Variants in ACOXL observed in about 807,000 individuals in gnomAD.
ACOXL encodes the protein acyl-coenzyme A oxidase-like protein.
ACOXL carries 70 observed loss-of-function variants against 71.9 expected under a neutral mutation model. That is an observed-to-expected ratio of 0.97 (90% CI 0.80 to 1.19). The LOEUF (loss-of-function observed/expected upper bound fraction) is 1.19. ACOXL is among the 50% of genes most tolerant of loss of function. The pLI is 0.00. For missense variants in ACOXL, 703 were observed against 736.3 expected (o/e 0.95, Z 0.52); for synonymous variants, 253 against 281.6 (o/e 0.90, Z 1.02).
chr2:110,826,955 G>A (rs2105580735), intron 9 of ACOXL, among the ~76,000 whole-genome samples: 1 of 152,184 alleles, frequency 6.6e-6, no homozygotes, highest in African/African-American at 2.4e-5. Flanking sequence ...GCTCTCCATG[G>A]TGAGATGTGG....
intron 10 of ACOXL, among the ~76,000 whole-genome samples, chr2:110,842,051 G>A (rs1156680487): frequency 1.3e-5 from 2 of 152,156 alleles, no homozygotes; most frequent in Admixed American, 6.5e-5. Flanking sequence ...CTCCCAAAGT[G>A]CCACCCTGTG....
intron 3 of ACOXL, among the ~76,000 whole-genome samples, chr2:110,787,269 T>G (rs1684079472): frequency 6.6e-6 from 1 of 152,162 alleles, no homozygotes; most frequent in Admixed American, 6.5e-5. Flanking sequence ...GTGCGGTGAC[T>G]CACGCTTGTA....
chr2:111,008,364 C>T (rs1425376593), intron 14 of ACOXL, among the ~76,000 whole-genome samples: 2 of 152,192 alleles, frequency 1.3e-5, no homozygotes, highest in Non-Finnish European at 2.9e-5. Context: ...CCATCACTTC[C>T]CTTTTTTCCT....
At chr2:110,965,490 T>G (rs2061884961) in intron 12 of ACOXL, among the ~76,000 whole-genome samples, 1 of 152,212 alleles carries the variant, frequency 6.6e-6, no homozygotes, top group Admixed American at 6.5e-5. Flanking sequence ...AATTTTTATG[T>G]TTAAGTATTT....
chr2:110,917,802 A>G (rs187579320), intron 11 of ACOXL, among the ~76,000 whole-genome samples: 2 of 152,280 alleles, frequency 1.3e-5, no homozygotes, highest in East Asian at 1.9e-4. Context: ...CTCCTATTCA[A>G]AATTGCTACA....
chr2:110,869,236 A>G (rs914996328), intron 10 of ACOXL, among the ~76,000 whole-genome samples: 1 of 152,142 alleles, frequency 6.6e-6, no homozygotes, highest in Non-Finnish European at 1.5e-5. Flanking sequence ...GGCATTGTGA[A>G]TACTCAGCAT....
chr2:111,081,486 G>A (rs1267144739), intron 16 of ACOXL, among the ~76,000 whole-genome samples: 1 of 152,076 alleles, frequency 6.6e-6, no homozygotes, highest in African/African-American at 2.4e-5. Context: ...ACATCTTCAA[G>A]GAGAACTACA....
At chr2:110,969,178 G>A (rs2062068274) in intron 12 of ACOXL, among the ~76,000 whole-genome samples, 1 of 152,126 alleles carries the variant, frequency 6.6e-6, no homozygotes. Context: ...AAATAGTGCT[G>A]AAAGGAAAAT....
chr2:110,871,051 T>C (rs997460707), intron 10 of ACOXL, among the ~76,000 whole-genome samples: 1 of 152,224 alleles, frequency 6.6e-6, no homozygotes. Flanking sequence ...CCTTATTACC[T>C]ACTTTTCAGA....
chr2:110,917,705 G>A (rs1297727948), intron 11 of ACOXL, among the ~76,000 whole-genome samples: 1 of 152,214 alleles, frequency 6.6e-6, no homozygotes, highest in Non-Finnish European at 1.5e-5. Flanking sequence ...CTTCAGCAAA[G>A]TCTCAGGATA....
intron 10 of ACOXL, among the ~76,000 whole-genome samples, chr2:110,845,606 T>A (rs1217331860): frequency 6.6e-6 from 1 of 152,228 alleles, no homozygotes; most frequent in Non-Finnish European, 1.5e-5. Flanking sequence ...TCCTCTTCAC[T>A]TCCTGACAAC....
chr2:111,111,981 C>A (rs1047887751), intron 17 of ACOXL, among the ~76,000 whole-genome samples: 2 of 151,982 alleles, frequency 1.3e-5, no homozygotes, highest in Admixed American at 1.3e-4. Flanking sequence ...AAGAAAATTG[C>A]AGTAGAAAGG....
chr2:111,116,793 T>C (rs1401935811), intron 17 of ACOXL, among the ~76,000 whole-genome samples: 1 of 148,956 alleles, frequency 6.7e-6, no homozygotes, highest in East Asian at 2.0e-4. Flanking sequence ...ATCTTATTAG[T>C]TTGGTAGCTT....
At chr2:111,091,993 G>A (rs1246182923) in intron 16 of ACOXL, among the ~76,000 whole-genome samples, 1 of 152,168 alleles carries the variant, frequency 6.6e-6, no homozygotes, top group Non-Finnish European at 1.5e-5. Flanking sequence ...ATTTGACTCA[G>A]AATAAGAGGG....
At chr2:111,067,908 T>C (rs2067149651) in intron 16 of ACOXL, among the ~76,000 whole-genome samples, 1 of 152,144 alleles carries the variant, frequency 6.6e-6, no homozygotes. Flanking sequence ...CTCAGTGTCA[T>C]AAGAGGTCAG....
intron 16 of ACOXL, among the ~76,000 whole-genome samples, chr2:111,084,783 A>T (rs1007469864): frequency 2.0e-5 from 3 of 152,130 alleles, no homozygotes; most frequent in Admixed American, 6.5e-5. Context: ...GGCCAGCTTG[A>T]TAAAGAGCAA....
chr2:110,777,303 T>G (rs181309120), intron 2 of ACOXL, among the ~76,000 whole-genome samples: 139 of 152,242 alleles, frequency 9.1e-4, no homozygotes, highest in African/African-American at 3.2e-3. Context: ...GAAAGGAGAC[T>G]GGAGAGAAGT....
At chr2:111,109,269 G>A (rs1189320415) in intron 17 of ACOXL, among the ~76,000 whole-genome samples, 1 of 152,180 alleles carries the variant, frequency 6.6e-6, no homozygotes, top group Non-Finnish European at 1.5e-5. Context: ...CTGATGTTAT[G>A]AATAAGATTG....
intron 9 of ACOXL, among the ~76,000 whole-genome samples, chr2:110,807,055 C>T (rs1397287862): frequency 6.6e-6 from 1 of 152,176 alleles, no homozygotes; most frequent in East Asian, 1.9e-4. Context: ...TATCATGGAC[C>T]AGCCCCTGCC....
Sources: allele counts gnomAD v4.1 joint callset (sites outside exome capture counted in the v4.1 genomes callset), GRCh38; gene constraint gnomAD v4.1.1; transcripts MANE v1.5; gene names NCBI Gene and HGNC (gene_info 2026-07-23, HGNC 2026-07-21).